UNC5D: variants seen among roughly 807,000 people sequenced by gnomAD.
UNC5D encodes unc-5 netrin receptor D.
UNC5D carries 39 observed loss-of-function variants against 105.4 expected under a neutral mutation model. The observed-to-expected ratio is 0.37, with a 90% confidence interval of 0.29 to 0.48. UNC5D has a LOEUF of 0.48. Ranked by LOEUF, UNC5D falls within the 20% of genes least tolerant of loss-of-function variation. UNC5D has a pLI of 0.98. For synonymous variants in UNC5D, 452 were observed against 450.4 expected (o/e 1.00, Z -0.04); for missense variants, 991 against 1,202.4 (o/e 0.82, Z 2.60).
intron 1 of UNC5D, among the ~76,000 whole-genome samples, chr8:35,506,878 G>A (rs1446760977): frequency 6.6e-6 from 1 of 152,108 alleles, no homozygotes; most frequent in Non-Finnish European, 1.5e-5. Context: ...TTTTGGAAAA[G>A]GGCAAGAGGG....
At chr8:35,727,945 T>C (rs1369150399) in intron 10 of UNC5D, 1 of 151,466 alleles carries the variant, frequency 6.6e-6, no homozygotes, top group African/African-American at 2.4e-5. Context: ...GTCAGAATTA[T>C]ATAAAATTTG....
chr8:35,734,782 ATT>A (rs1171276656), intron 11 of UNC5D, among the ~76,000 whole-genome samples: 8 of 126,692 alleles, frequency 6.3e-5, no homozygotes, highest in Admixed American at 7.8e-5. Context: ...CACACTTTAA[ATT>A]TTTTTTTTTT....
chr8:35,564,204 C>A (rs1033807528), intron 2 of UNC5D, among the ~76,000 whole-genome samples: 8 of 151,800 alleles, frequency 5.3e-5, no homozygotes, highest in Non-Finnish European at 1.2e-4. Flanking sequence ...ATGGTCCATT[C>A]TGGAGAATAT....
intron 3 of UNC5D, among the ~76,000 whole-genome samples, chr8:35,584,392 G>A (rs1563559700): frequency 6.6e-6 from 1 of 151,314 alleles, no homozygotes; most frequent in Non-Finnish European, 1.5e-5. Context: ...TTTTTTGTTT[G>A]TTTGTTTTGT....
At chr8:35,415,251 GA>G (rs1805454911) in intron 1 of UNC5D, among the ~76,000 whole-genome samples, 1 of 152,026 alleles carries the variant, frequency 6.6e-6, no homozygotes, top group African/African-American at 2.4e-5. Context: ...CAAACCTCAG[GA>G]TTTGGCTTTA....
chr8:35,469,230 A>G (rs1181093698), intron 1 of UNC5D, among the ~76,000 whole-genome samples: 1 of 152,204 alleles, frequency 6.6e-6, no homozygotes, highest in Non-Finnish European at 1.5e-5. Context: ...GAAGTCAAAT[A>G]CATAGATTTA....
At chr8:35,450,431 T>A (rs1368252702) in intron 1 of UNC5D, among the ~76,000 whole-genome samples, 106 of 152,200 alleles carry the variant, frequency 7.0e-4, no homozygotes, top group Non-Finnish European at 2.5e-4. Context: ...ATAATATTGA[T>A]ATCTATTTAT....
At chr8:35,280,589 T>C (rs1172074175) in intron 1 of UNC5D, among the ~76,000 whole-genome samples, 1 of 152,206 alleles carries the variant, frequency 6.6e-6, no homozygotes, top group Non-Finnish European at 1.5e-5. Flanking sequence ...ATCCTCTCTT[T>C]GGTGATTCTC....
At position 35,396,555 on chromosome 8, in the gene UNC5D, T is replaced by C. The variant is rs184279891; in HGVS notation, c.104-152737T>C. On this transcript the variant is annotated intron_variant, in intron 1 of 16. Coordinates refer to ENST00000404895, the MANE Select transcript of UNC5D (RefSeq NM_080872.4). The stretch of plus-strand genomic sequence containing the variant: ...CTCGGTCTCCCAGGCTGGAATGCAG[T>C]GGTGCGATCTCAGCTCACTGCAACC... 2.9e-3 allele frequency among the ~76,000 whole-genome samples: 438 copies of C among 151,904 alleles called. 5 individuals carry two copies. The highest frequency in any genetic ancestry group is 0.01 in the African/African-American group (425 of 41,424).
At chr8:35,397,966 C>CT in intron 1 of UNC5D, among the ~76,000 whole-genome samples, 1 of 152,314 alleles carries the variant, frequency 6.6e-6, no homozygotes, top group Admixed American at 6.5e-5. Flanking sequence ...TAGAACCATT[C>CT]TTTTTGTTAC....
intron 2 of UNC5D, among the ~76,000 whole-genome samples, chr8:35,556,182 T>C (rs1424736209): frequency 6.6e-6 from 1 of 152,146 alleles, no homozygotes; most frequent in East Asian, 1.9e-4. Flanking sequence ...TCCCTCAAAA[T>C]GATGAATATA....
intron 1 of UNC5D, among the ~76,000 whole-genome samples, chr8:35,320,167 T>C (rs1221656906): frequency 6.6e-6 from 1 of 151,810 alleles, no homozygotes; most frequent in East Asian, 1.9e-4. Context: ...ATATGTAAGA[T>C]GTATATTGGT....
At chr8:35,758,771 CT>C (rs1830625943) in intron 13 of UNC5D, among the ~76,000 whole-genome samples, 1 of 152,090 alleles carries the variant, frequency 6.6e-6, no homozygotes, top group Admixed American at 6.5e-5. Context: ...TTTTCTTGAC[CT>C]TTTGGTATAA....
intron 1 of UNC5D, among the ~76,000 whole-genome samples, chr8:35,538,466 T>A (rs1167513510): frequency 1.4e-5 from 2 of 144,236 alleles, no homozygotes; most frequent in East Asian, 4.1e-4. Context: ...GACGGAGGAA[T>A]TTTATCCAAA....
intron 4 of UNC5D, among the ~76,000 whole-genome samples, chr8:35,616,351 T>C (rs1012310234): frequency 1.3e-5 from 2 of 152,202 alleles, no homozygotes; most frequent in Non-Finnish European, 2.9e-5. Context: ...CACCATCTGA[T>C]TTCATTGCAT....
intron 1 of UNC5D, among the ~76,000 whole-genome samples, chr8:35,267,253 A>T (rs972711998): frequency 2.0e-5 from 3 of 152,146 alleles, no homozygotes; most frequent in Admixed American, 1.3e-4. Context: ...CCCTACATGA[A>T]GTTTATCTAT....
chr8:35,312,410 C>G (rs547592891), intron 1 of UNC5D, among the ~76,000 whole-genome samples: 13 of 152,262 alleles, frequency 8.5e-5, no homozygotes, highest in African/African-American at 3.1e-4. Flanking sequence ...TGCTTTGCTT[C>G]TCCTTGATGA....
At chr8:35,244,863 A>T (rs1360885706) in intron 1 of UNC5D, among the ~76,000 whole-genome samples, 3 of 151,240 alleles carry the variant, frequency 2.0e-5, no homozygotes, top group East Asian at 1.9e-4. Context: ...TTTTTTTTTT[A>T]AAGTTAGCTG....
chr8:35,516,484 T>C (rs898969658), intron 1 of UNC5D, among the ~76,000 whole-genome samples: 1 of 152,216 alleles, frequency 6.6e-6, no homozygotes, highest in Non-Finnish European at 1.5e-5. Context: ...TGTTGAGGGC[T>C]TTGACAATCT....
Sources: gnomAD v4.1 joint callset for allele counts (sites outside exome capture counted in the v4.1 genomes callset) on GRCh38, gnomAD v4.1.1 for gene constraint, MANE v1.5 for transcripts, NCBI Gene and HGNC (gene_info 2026-07-23, HGNC 2026-07-21) for gene names.